The following TBC1D15 variants were observed in gnomAD, a reference collection of about 807,000 sequenced individuals.
The protein encoded by TBC1D15 is TBC1 domain family member 15.
Under a neutral mutation model 95.4 loss-of-function variants are expected in TBC1D15, and 39 were observed. The observed-to-expected ratio is 0.41, with a 90% CI of 0.32 to 0.53. The LOEUF (loss-of-function observed/expected upper bound fraction) is 0.53. TBC1D15 is among the 20% of genes least tolerant of loss of function. TBC1D15 has a pLI of 0.29. For missense variants in TBC1D15, 733 were observed against 794.3 expected, an observed-to-expected ratio of 0.92 and a Z score of 0.93; for synonymous variants, 258 against 261.3, an observed-to-expected ratio of 0.99 and a Z score of 0.12.
At chr12:71,891,784 G>C (rs947910683) in intron 5 of TBC1D15, among the ~76,000 whole-genome samples, 1 of 151,998 alleles carries the variant, frequency 6.6e-6, no homozygotes, top group African/African-American at 2.4e-5. Flanking sequence ...TTTCATCTTC[G>C]GATCTCCAGT....
chr12:71,923,099 AT>A lies in TBC1D15; in HGVS notation c.1923del (p.Gln642LysfsTer30). Reference protein sequence around the residue: ...VVMTPCPTSAFQSNALPTLSA... With the variant: ...VVMTPCPTSAXQSNALPTLSA... ...TCATGACTCCTTGTCCTACATCTGC[AT>A]TTCAAAGTAATGCCTTGCCTACACT... On this transcript the variant is annotated frameshift_variant, in exon 17 of 17. Transcript: ENST00000485960. LOFTEE classifies it high-confidence loss of function. 1 of 1,614,180 alleles carries A rather than the reference AT, an allele frequency of 6.2e-7. No individual in the cohort carries two copies. The highest frequency in any genetic ancestry group is 8.5e-7 in the Non-Finnish European group (1 of 1,180,034).
chr12:71,878,922 C>A (rs893543465), intron 3 of TBC1D15, among the ~76,000 whole-genome samples: 8 of 151,618 alleles, frequency 5.3e-5, no homozygotes, highest in African/African-American at 1.9e-4. Context: ...TGTTCAGTTT[C>A]CCTACTGTTT....
In TBC1D15 at chr12:71,923,157, A is replaced by G. The variant is rs777212573; in HGVS notation, c.1978A>G (p.Thr660Ala). The change falls in exon 17 of 17, where the codon ACA becomes GCA. Residue 660 changes from threonine to alanine, a missense_variant. Thr to Ala is a moderately conservative substitution (Grantham distance 58). Coordinates refer to ENST00000485960, the MANE Select transcript of TBC1D15 (RefSeq NM_001146213.3). ...CAGTGGAGCCAGAAATGACAGCCCA[A>G]CACAGATACCAGTGTCCTCAGATGT... is the stretch of plus-strand genomic sequence containing the variant. ...SASGARNDSP[T>A]QIPVSSDVCR... 4.3e-5 allele frequency: 69 copies of G among 1,614,102 alleles called. No individual in the cohort carries two copies. Among genetic ancestry groups the G allele is most frequent in the African/African-American group, 5.3e-5 (4 of 74,942 alleles).
At chr12:71,867,630 CAA>C (rs1345541964) in intron 1 of TBC1D15, among the ~76,000 whole-genome samples, 3 of 152,170 alleles carry the variant, frequency 2.0e-5, no homozygotes, top group African/African-American at 7.2e-5. Context: ...CTGAAATCCA[CAA>C]AGTGTTCATT....
intron 1 of TBC1D15, among the ~76,000 whole-genome samples, chr12:71,871,777 A>T (rs1299862379): frequency 6.6e-6 from 1 of 152,224 alleles, no homozygotes; most frequent in East Asian, 1.9e-4. Context: ...GAATTTAAAT[A>T]TTGAGACTTG....
intron 10 of TBC1D15, 59 bp from the exon 11 acceptor site, chr12:71,906,963 G>A: frequency 9.1e-7 from 1 of 1,096,184 alleles, no homozygotes. Flanking sequence ...TAAGATGTGA[G>A]CTTTATCACA....
chr12:71,885,644 A>G (rs935095840), intron 5 of TBC1D15, among the ~76,000 whole-genome samples: 12 of 152,224 alleles, frequency 7.9e-5, no homozygotes, highest in African/African-American at 2.4e-4. Flanking sequence ...AAGGATGTCA[A>G]CAAGTAAAAT....
intron 1 of TBC1D15, among the ~76,000 whole-genome samples, chr12:71,855,795 T>C (rs1490635501): frequency 1.3e-5 from 2 of 152,124 alleles, no homozygotes; most frequent in African/African-American, 2.4e-5. Flanking sequence ...TGCATTTCTT[T>C]ATTAGTAGTA....
At chr12:71,904,082 G>A (rs1900097959) in intron 10 of TBC1D15, among the ~76,000 whole-genome samples, 1 of 152,176 alleles carries the variant, frequency 6.6e-6, no homozygotes, top group East Asian at 1.9e-4. Context: ...TGAGCCCTGG[G>A]GCACTTTAAT....
At chr12:71,863,124 A>G (rs1206140964) in intron 1 of TBC1D15, among the ~76,000 whole-genome samples, 4 of 152,186 alleles carry the variant, frequency 2.6e-5, no homozygotes, top group Non-Finnish European at 2.9e-5. Context: ...CACGCCTACA[A>G]TCTCAGCACT....
At chr12:71,850,035 T>C in intron 1 of TBC1D15, 3 of 522,304 alleles carry the variant, frequency 5.7e-6, no homozygotes, top group East Asian at 9.0e-5. Context: ...CTCCAGACAA[T>C]TGTGAAGAGA....
At chr12:71,885,342 A>C (rs1896022409) in intron 5 of TBC1D15, among the ~76,000 whole-genome samples, 1 of 152,146 alleles carries the variant, frequency 6.6e-6, no homozygotes, top group Non-Finnish European at 1.5e-5. Flanking sequence ...TTTATTATGT[A>C]TTTTCTATTA....
At position 71,885,124 on chromosome 12, in the gene TBC1D15, A is replaced by G; in HGVS notation, c.554+103A>G. On this transcript the variant is annotated intron_variant, in intron 5 of 16. Transcript: ENST00000485960. ...TTGGGCATCAGTGACCTATTTGCAT[A>G]TGAGGACATGAACAGCTTAGTTTTT... 5.7e-6 allele frequency: 6 copies of G among 1,055,480 alleles called. No individual in the cohort carries two copies. In the South Asian group the frequency reaches 8.7e-5, roughly 15 times the overall value. 65.4% of individuals were successfully genotyped at this position (1,055,480 alleles called of 1,614,324 possible). A position where few individuals can be genotyped will look rare whatever the true frequency, so the allele number is the denominator to read the frequency against.
intron 1 of TBC1D15, chr12:71,849,637 C>A (rs759831235): frequency 1.0e-5 from 6 of 583,434 alleles, no homozygotes; most frequent in Non-Finnish European, 1.9e-5. Context: ...TTGGAGACAT[C>A]GTCAGCTAGT....
In TBC1D15 at chr12:71,907,051, A is replaced by G. The variant is rs1900903988; in HGVS notation, c.1213A>G (p.Asn405Asp). 3 of 1,611,728 alleles carry G rather than the reference A, an allele frequency of 1.9e-6. No individual in the cohort carries two copies. The highest frequency in any genetic ancestry group is 2.5e-6 in the Non-Finnish European group (3 of 1,178,956). Reference protein sequence around the residue: ...EKDVNRTDRTNKFYEGQDNPG... With the variant: ...EKDVNRTDRTDKFYEGQDNPG... ...AGATGTTAACAGAACAGATCGAACA[A>G]ACAAGTTTTATGAAGGCCAAGATAA... The change falls in exon 11 of 17, where the codon AAC becomes GAC. Residue 405 changes from asparagine (N) to aspartate (D), a missense_variant. By Grantham distance (23) the Asn-to-Asp change is conservative (BLOSUM62 1). Transcript: ENST00000485960.
chr12:71,875,026 G>A (rs1469966328), intron 3 of TBC1D15, among the ~76,000 whole-genome samples: 3 of 149,704 alleles, frequency 2.0e-5, no homozygotes, highest in African/African-American at 7.4e-5. Flanking sequence ...TGCAACCTCC[G>A]CCTCCTGGCC....
chr12:71,896,142 G>A (rs571316610), intron 8 of TBC1D15, 67 bp downstream of exon 8: 11 of 1,303,898 alleles, frequency 8.4e-6, no homozygotes, highest in African/African-American at 6.2e-5. Flanking sequence ...TGTTGTTATC[G>A]TTACTGTTTT....
chr12:71,859,308 GT>G (rs991298033), intron 1 of TBC1D15, among the ~76,000 whole-genome samples: 3 of 151,270 alleles, frequency 2.0e-5, no homozygotes, highest in African/African-American at 7.3e-5. Context: ...TTTTTTTTCT[GT>G]TGAGGTTTTC....
In TBC1D15 at chr12:71,891,026, C is replaced by T. The variant is rs115744757; in HGVS notation, c.555-2196C>T. On this transcript the variant is annotated intron_variant, in intron 5 of 16. Coordinates refer to ENST00000485960, the MANE Select transcript of TBC1D15 (RefSeq NM_001146213.3). ...AAGCCAAATTTGTTGTATCATCAAA[C>T]AGCACCAACCATTTAAAAGATTAGG... 9.7e-3 allele frequency among the ~76,000 whole-genome samples: 1,477 copies of T among 152,228 alleles called. 31 individuals are homozygous for T. The highest frequency in any genetic ancestry group is 0.033 in the African/African-American group (1,382 of 41,534).
Sources: allele counts gnomAD v4.1 joint callset (sites outside exome capture counted in the v4.1 genomes callset), GRCh38; gene constraint gnomAD v4.1.1; transcripts MANE v1.5; gene names NCBI Gene and HGNC (gene_info 2026-07-23, HGNC 2026-07-21).